Variants in NLRP9 observed in about 807,000 individuals in gnomAD.
NLRP9 encodes NACHT, LRR and PYD domains-containing protein 9.
Under a neutral mutation model 83.1 loss-of-function variants are expected in NLRP9, and 88 were observed. The observed-to-expected ratio is 1.06, with a 90% CI of 0.89 to 1.26. NLRP9 has a LOEUF of 1.26. NLRP9 is among the 50% of genes most tolerant of loss of function. The pLI, the probability that NLRP9 is intolerant of heterozygous loss-of-function variation, is 0.00. For missense variants in NLRP9, 1,308 were observed against 1,179.3 expected (o/e 1.11, Z -1.60); for synonymous variants, 521 against 447.6 (o/e 1.16, Z -2.07).
chr19:55,730,455 G>GA (rs748459490), intron 2 of NLRP9, among the ~76,000 whole-genome samples: 347 of 115,198 alleles, frequency 3.0e-3, no homozygotes, highest in Admixed American at 4.9e-3. Context: ...CCTGCCTCAA[G>GA]AAAAAAAAAA....
chr19:55,711,609 C>G (rs191375397), intron 8 of NLRP9, 191 bp downstream of exon 8: 1 of 879,522 alleles, frequency 1.1e-6, no homozygotes, highest in Non-Finnish European at 1.8e-6. Context: ...TGAGAAAGGC[C>G]GAGAATGTTG....
chr19:55,732,559 C>T lies in NLRP9; in HGVS notation c.1272G>A (p.Glu424=), dbSNP rs75470507. 1 of 1,614,226 alleles carries T rather than the reference C, an allele frequency of 6.2e-7. No individual in the cohort carries two copies. The highest frequency in any genetic ancestry group is 8.5e-7 in the Non-Finnish European group (1 of 1,180,038). The change falls in exon 2 of 9, where the codon GAG becomes GAA. Residue 424 remains glutamate (E), a synonymous_variant. Transcript: ENST00000332836. ...GTCTCATACCCACCCACATCACGCC[C>T]TCAGACTCAGATAACCCATTCCTCC... ...DLRRNGLSES[E]GVMWVGMRLL...
At position 55,711,891 on chromosome 19, in the gene NLRP9, G is replaced by GGC; in HGVS notation, c.2750_2751dup (p.Leu918AlafsTer2). The stretch of plus-strand genomic sequence containing the variant: ...TCCAAGGCAATCCAGTCGAGGTTCA[G>GGC]GCTCCTCAGTGTTTTGCAGGCGATG... On this transcript the variant is annotated frameshift_variant, in exon 8 of 9. Coordinates refer to ENST00000332836, the MANE Select transcript of NLRP9 (RefSeq NM_176820.4). LOFTEE classifies it high-confidence loss of function. The GGC allele has an allele frequency of 6.2e-7, 1 of 1,613,358 alleles. No individual in the cohort carries two copies. The highest frequency in any genetic ancestry group is 8.5e-7 in the Non-Finnish European group (1 of 1,179,964).
chr19:55,729,689 TAAAC>T (rs1988512899), intron 3 of NLRP9, 138 bp downstream of exon 3: 1 of 631,894 alleles, frequency 1.6e-6, no homozygotes, highest in Non-Finnish European at 2.7e-6. Context: ...AGTGCCGCAA[TAAAC>T]ATACATGTAC....
Position 55,708,833 on chromosome 19 carries a change from C to G in NLRP9, c.*79G>C. 1 of 972,506 alleles carries G rather than the reference C, an allele frequency of 1.0e-6. No homozygotes were observed. The highest frequency in any genetic ancestry group is 1.5e-6 in the Non-Finnish European group (1 of 674,022). The allele number at this position is 972,506 out of a possible 1,614,324, so 60.2% of individuals were successfully genotyped here. ...GCCCTGCTGCCATGATGTGCAATTA[C>G]AGGATAGAGGTGCCAGGTGAAGGTC... On this transcript the variant is annotated 3_prime_UTR_variant, in exon 9 of 9. Transcript: ENST00000332836.
Position 55,732,672 on chromosome 19 carries a change from C to T in NLRP9, c.1159G>A (p.Val387Met). Residue 387 changes from valine to methionine, a missense_variant, in exon 2 of 9, where the codon GTG becomes ATG. Val to Met is a conservative substitution (Grantham distance 21). Transcript: ENST00000332836. ...AGGCTTTTTAGTCGGGCTCTGTTCA[C>T]CTTAGGTGGAAAACTCTGACTTCCT... is the stretch of plus-strand genomic sequence containing the variant. ...KAGSQSFPPK[V>M]NRARLKSLCA... 1.2e-6 allele frequency: 2 copies of T among 1,614,162 alleles called. No individual in the cohort carries two copies. The highest frequency in any genetic ancestry group is 2.7e-5 in the African/African-American group (2 of 75,026).
rs114602698 is a variant in NLRP9 at position 55,718,681 on chromosome 19, C to T, written c.2160-1783G>A. ...ACCTGTTGCCCAGCCACATTCCCCTCGCCAAGATAGTAAAAATAGTGATCA... is the reference window on the plus strand; with the variant it reads ...ACCTGTTGCCCAGCCACATTCCCCTTGCCAAGATAGTAAAAATAGTGATCA... On this transcript the variant is annotated intron_variant, in intron 4 of 8. Transcript: ENST00000332836. Among the ~76,000 whole-genome samples the T allele has an allele frequency of 8.5e-3, 1,289 of 152,348 alleles. 19 individuals carry two copies. Among genetic ancestry groups the T allele is most frequent in the African/African-American group, 0.029 (1,224 of 41,576 alleles).
intron 3 of NLRP9, 35 bp downstream of exon 3, chr19:55,729,796 C>T: frequency 6.4e-7 from 1 of 1,565,478 alleles, no homozygotes; most frequent in Non-Finnish European, 8.7e-7. Flanking sequence ...GAAACTCTGC[C>T]ATTTGCTTAA....
chr19:55,726,404 G>C lies in NLRP9; in HGVS notation c.1995-2260C>G, dbSNP rs558420654. ...TTCTACACATAAAATGATAAAAAAT[G>C]CAATTGCTGAGATGAATAAAGAAGC... On this transcript the variant is annotated intron_variant, in intron 3 of 8. Transcript: ENST00000332836. 2.0e-5 allele frequency among the ~76,000 whole-genome samples: 3 copies of C among 152,274 alleles called. No individual in the cohort carries two copies. In the South Asian group the frequency reaches 6.2e-4, roughly 32 times the overall value.
At position 55,715,133 on chromosome 19, in the gene NLRP9, G is replaced by C. The variant is rs141305973; in HGVS notation, c.2423C>G (p.Ser808Ter). The change falls in exon 6 of 9, where the codon TCA (serine) becomes TGA (stop). Residue 808 changes from serine to a stop codon, truncating the protein, a stop_gained. Transcript: ENST00000332836. LOFTEE classifies it high-confidence loss of function. ...SKSLSLLDLG[S>*]NALEDNGVAS... ...CACTCCATTATCTTCCAGGGCATTTGAGCCCAGATCGAGGAGGGACAGGGA... is the reference window on the plus strand; with the variant it reads ...CACTCCATTATCTTCCAGGGCATTTCAGCCCAGATCGAGGAGGGACAGGGA... 92 of 1,613,288 alleles carry C rather than the reference G, an allele frequency of 5.7e-5. 1 individual carries two copies. The African/African-American group carries it at 1.0e-3, about 18-fold the overall frequency.
chr19:55,712,348 T>G, intron 7 of NLRP9, 72 bp downstream of exon 7: 1 of 1,324,350 alleles, frequency 7.6e-7, no homozygotes, highest in Non-Finnish European at 1.1e-6. Flanking sequence ...CCTTCCATTC[T>G]ATTGACCCTC....
chr19:55,732,917 G>A lies in NLRP9; in HGVS notation c.914C>T (p.Ser305Leu). 1 of 1,613,830 alleles carries A rather than the reference G, an allele frequency of 6.2e-7. No individual in the cohort carries two copies. Among genetic ancestry groups the A allele is most frequent in the Non-Finnish European group, 8.5e-7 (1 of 1,179,928 alleles). The change falls in exon 2 of 9, where the codon TCG becomes TTG. Residue 305 changes from serine (S) to leucine (L), a missense_variant. Coordinates refer to ENST00000332836, the MANE Select transcript of NLRP9 (RefSeq NM_176820.4). ...CTCACCAAAGAAGTAGGAGAAATAC[G>A]ACTTCTTTTCAGATTCACTGAATCC... is the stretch of plus-strand genomic sequence containing the variant. ...LLGFSESEKK[S>L]YFSYFFGEKS... is the part of the protein sequence containing the mutation.
At chr19:55,721,433 T>G (rs1333658389) in intron 4 of NLRP9, among the ~76,000 whole-genome samples, 2 of 152,152 alleles carry the variant, frequency 1.3e-5, no homozygotes, top group African/African-American at 4.8e-5. Context: ...GTATTAGATG[T>G]TTTTTTCCTA....
chr19:55,734,668 C>G (rs1413112415), intron 1 of NLRP9, among the ~76,000 whole-genome samples: 1 of 147,824 alleles, frequency 6.8e-6, no homozygotes, highest in East Asian at 2.0e-4. Flanking sequence ...AACTCTCGCT[C>G]TTGTCCCCCA....
Position 55,712,437 on chromosome 19 carries a change from A to G in NLRP9, c.2655T>C (p.Cys885=), listed in dbSNP as rs1234305107. ...QLCAALQHPH[C]KLECLGLQTC... ...ATACTCACCCGAGACACTCTAATTT[A>G]CAGTGAGGATGCTGCAAAGCTGCAC... is the stretch of plus-strand genomic sequence containing the variant. The change falls in exon 7 of 9, where the codon TGT becomes TGC. Residue 885 remains cysteine (C), a synonymous_variant. Transcript: ENST00000332836. 9.9e-6 allele frequency: 16 copies of G among 1,612,678 alleles called. No individual in the cohort carries two copies. The highest frequency in any genetic ancestry group is 1.4e-5 in the Non-Finnish European group (16 of 1,179,710).
Position 55,712,438 on chromosome 19 carries a change from C to T in NLRP9, c.2654G>A (p.Cys885Tyr). The T allele has an allele frequency of 1.2e-6, 2 of 1,612,580 alleles. No individual in the cohort carries two copies. The highest frequency in any genetic ancestry group is 2.2e-5 in the East Asian group (1 of 44,852). Residue 885 changes from cysteine to tyrosine, a missense_variant, in exon 7 of 9, where the codon TGT becomes TAT. Cys to Tyr is a radical substitution (Grantham distance 194, BLOSUM62 -2). Transcript: ENST00000332836. ...TACTCACCCGAGACACTCTAATTTACAGTGAGGATGCTGCAAAGCTGCACA... is the reference window on the plus strand; with the variant it reads ...TACTCACCCGAGACACTCTAATTTATAGTGAGGATGCTGCAAAGCTGCACA... ...QLCAALQHPH[C>Y]KLECLGLQTC... is the part of the protein sequence containing the mutation.
At chr19:55,721,819 G>C (rs1988234138) in intron 4 of NLRP9, among the ~76,000 whole-genome samples, 1 of 152,132 alleles carries the variant, frequency 6.6e-6, no homozygotes, top group African/African-American at 2.4e-5. Context: ...TTTTATAAAG[G>C]GGAGTTTCCC....
chr19:55,732,120 A>G lies in NLRP9; in HGVS notation c.1711T>C (p.Tyr571His), dbSNP rs779746863. 20 of 1,612,664 alleles carry G rather than the reference A, an allele frequency of 1.2e-5. No individual in the cohort carries two copies. In the Middle Eastern group the frequency reaches 4.9e-4, roughly 40 times the overall value. ...VMNFFEEVFI[Y>H]IGNIEHLVIA... Reference sequence around the variant, plus strand: ...ACCAAATGTTCTATGTTACCAATATAAATGAAAACTTCTTCAAAGAAATTC... The same window carrying G: ...ACCAAATGTTCTATGTTACCAATATGAATGAAAACTTCTTCAAAGAAATTC... The change falls in exon 2 of 9, where the codon TAT becomes CAT. Residue 571 changes from tyrosine (Y) to histidine (H), a missense_variant. By Grantham distance (83) the Tyr-to-His change is moderately conservative. Coordinates refer to ENST00000332836, the MANE Select transcript of NLRP9 (RefSeq NM_176820.4).
At chr19:55,710,070 C>A (rs1254333798) in intron 8 of NLRP9, among the ~76,000 whole-genome samples, 1 of 152,146 alleles carries the variant, frequency 6.6e-6, no homozygotes, top group Non-Finnish European at 1.5e-5. Flanking sequence ...TATCTTAAAT[C>A]TTCAGAGGTA....
Sources: gnomAD v4.1 joint callset for allele counts (sites outside exome capture counted in the v4.1 genomes callset) on GRCh38, gnomAD v4.1.1 for gene constraint, MANE v1.5 for transcripts, NCBI Gene and HGNC (gene_info 2026-07-23, HGNC 2026-07-21) for gene names.